The following LRBA variants were observed in gnomAD, a reference collection of about 807,000 sequenced individuals.
LRBA encodes LPS responsive beige-like anchor protein, also known as lipopolysaccharide-responsive and beige-like anchor protein.
Under a neutral mutation model 330.0 loss-of-function variants are expected in LRBA, and 176 were observed. The ratio of observed to expected loss-of-function variants is 0.53; its 90% CI spans 0.47 to 0.60. The LOEUF is 0.60. Ranked by LOEUF, LRBA falls within the 20% of genes least tolerant of loss-of-function variation. The probability of loss-of-function intolerance (pLI) is 0.00; values close to 1 mark genes in which losing one functional copy is unlikely to be tolerated. For synonymous variants in LRBA, 1,230 were observed against 1,193.0 expected (o/e 1.03, Z -0.64); for missense variants, 3,259 against 3,444.8 (o/e 0.95, Z 1.35).
intron 40 of LRBA, among the ~76,000 whole-genome samples, chr4:150,537,710 G>A (rs1290331760): frequency 1.3e-5 from 2 of 152,122 alleles, no homozygotes; most frequent in Admixed American, 1.3e-4. Context: ...CAGCACTTTG[G>A]GAGGCTAAGG....
chr4:150,887,049 T>C (rs62344582), intron 17 of LRBA, among the ~76,000 whole-genome samples: 14,335 of 152,232 alleles, frequency 0.094, 1,419 homozygotes, highest in African/African-American at 0.26. Context: ...CTGATTTGAA[T>C]ATTATATGTT....
chr4:150,971,752 A>G (rs1184405942), intron 2 of LRBA, among the ~76,000 whole-genome samples: 1 of 152,194 alleles, frequency 6.6e-6, no homozygotes, highest in Non-Finnish European at 1.5e-5. Flanking sequence ...TTTATTTACT[A>G]TTTCACAAGG....
intron 2 of LRBA, among the ~76,000 whole-genome samples, chr4:150,976,681 C>A (rs888811385): frequency 6.6e-6 from 1 of 152,122 alleles, no homozygotes; most frequent in African/African-American, 2.4e-5. Context: ...TTCATAAAAA[C>A]CAAAAATAAG....
intron 55 of LRBA, among the ~76,000 whole-genome samples, chr4:150,282,065 A>T (rs1277079921): frequency 6.6e-6 from 1 of 152,234 alleles, no homozygotes; most frequent in Non-Finnish European, 1.5e-5. Context: ...AGATGTAAAG[A>T]GAATCCAGTT....
rs145762343 is a variant in LRBA, at chr4:150,400,815, G to C, written c.7194+14623C>G. ...TGATCAGCCACTGCACTCCAGCCTG[G>C]TGACAATGAGATGCTGTCTTAAAAT... On this transcript the variant is annotated intron_variant, in intron 47 of 56. Coordinates refer to ENST00000651943, the MANE Select transcript of LRBA (RefSeq NM_001364905.1). 7.7e-4 allele frequency among the ~76,000 whole-genome samples: 117 copies of C among 152,232 alleles called. No homozygotes were observed. The East Asian group carries it at 0.021, about 27-fold the overall frequency.
intron 40 of LRBA, among the ~76,000 whole-genome samples, chr4:150,520,663 T>C (rs1260489196): frequency 6.6e-6 from 1 of 152,120 alleles, no homozygotes; most frequent in African/African-American, 2.4e-5. Flanking sequence ...GAGGTCATTG[T>C]CCTAAGCAAA....
intron 2 of LRBA, among the ~76,000 whole-genome samples, chr4:150,932,807 T>C (rs1039107747): frequency 1.3e-5 from 2 of 151,766 alleles, no homozygotes; most frequent in Non-Finnish European, 2.9e-5. Context: ...CCCCATCTAC[T>C]TGGGAGGCTG....
At chr4:150,626,153 A>G (rs1581850525) in intron 37 of LRBA, among the ~76,000 whole-genome samples, 1 of 152,160 alleles carries the variant, frequency 6.6e-6, no homozygotes, top group African/African-American at 2.4e-5. Context: ...ATTTAACACA[A>G]TATTCTGCAT....
intron 47 of LRBA, among the ~76,000 whole-genome samples, chr4:150,382,613 ACT>A (rs1243490026): frequency 2.7e-5 from 4 of 146,838 alleles, no homozygotes; most frequent in Admixed American, 1.4e-4. Context: ...ACAGAGTGAG[ACT>A]CTGTTTCAAA....
At chr4:150,422,918 T>C (rs1426322448) in intron 46 of LRBA, 1 of 807,088 alleles carries the variant, frequency 1.2e-6, no homozygotes, top group African/African-American at 1.7e-5. Flanking sequence ...AGGGGATGGA[T>C]GCCAGCTCTG....
At chr4:150,840,118 C>G (rs1219741979) in intron 28 of LRBA, among the ~76,000 whole-genome samples, 1 of 152,180 alleles carries the variant, frequency 6.6e-6, no homozygotes, top group Non-Finnish European at 1.5e-5. Flanking sequence ...GGAGCCTTAT[C>G]TGAAATAGGC....
intron 30 of LRBA, among the ~76,000 whole-genome samples, chr4:150,820,565 T>C (rs1439639255): frequency 6.6e-6 from 1 of 151,986 alleles, no homozygotes; most frequent in African/African-American, 2.4e-5. Context: ...ACATAATTAG[T>C]ATATAATAGA....
At chr4:150,332,091 T>G (rs1305490608) in intron 48 of LRBA, among the ~76,000 whole-genome samples, 2 of 152,174 alleles carry the variant, frequency 1.3e-5, no homozygotes, top group African/African-American at 2.4e-5. Context: ...TATTAAAGAC[T>G]TAACACAGTG....
At chr4:150,333,028 T>G (rs932382806) in intron 48 of LRBA, among the ~76,000 whole-genome samples, 1 of 151,918 alleles carries the variant, frequency 6.6e-6, no homozygotes, top group Non-Finnish European at 1.5e-5. Flanking sequence ...ATAGAGAGAA[T>G]ATACATACAC....
intron 53 of LRBA, among the ~76,000 whole-genome samples, chr4:150,289,369 A>G (rs1393356351): frequency 3.9e-5 from 6 of 152,198 alleles, no homozygotes; most frequent in East Asian, 1.9e-4. Flanking sequence ...GAACTATTCA[A>G]TGCTAGGACT....
rs548607231 is a variant in LRBA at position 150,416,565 on chromosome 4, G to C, written c.7042-975C>G. Among the ~76,000 whole-genome samples, 8 of 151,314 alleles carry C rather than the reference G, an allele frequency of 5.3e-5. No homozygotes were observed. The South Asian group carries it at 1.3e-3, about 24-fold the overall frequency. ...TTAATTAACTAAGCAGGGTAGAAAC[G>C]AGCTTGTTCTTCCAAATGGCTGACA... On this transcript the variant is annotated intron_variant, in intron 46 of 56. Coordinates refer to ENST00000651943, the MANE Select transcript of LRBA (RefSeq NM_001364905.1).
intron 14 of LRBA, among the ~76,000 whole-genome samples, chr4:150,898,859 C>A (rs758567104): frequency 3.9e-5 from 6 of 152,098 alleles, no homozygotes; most frequent in African/African-American, 7.2e-5. Flanking sequence ...CACAACCTTG[C>A]CAGCTTAAAA....
chr4:150,553,911 T>C (rs949041628), intron 40 of LRBA, among the ~76,000 whole-genome samples: 13 of 152,174 alleles, frequency 8.5e-5, no homozygotes, highest in African/African-American at 2.7e-4. Context: ...AGTTCACTGG[T>C]TCCAGAGGCT....
chr4:150,700,739 A>G (rs1359204791), intron 36 of LRBA, among the ~76,000 whole-genome samples: 1 of 150,358 alleles, frequency 6.7e-6, no homozygotes, highest in East Asian at 2.0e-4. Context: ...CTTTCTTTAT[A>G]TCCTTATTCT....
Sources: allele counts gnomAD v4.1 joint callset (sites outside exome capture counted in the v4.1 genomes callset), GRCh38; gene constraint gnomAD v4.1.1; transcripts MANE v1.5; gene names NCBI Gene and HGNC (gene_info 2026-07-23, HGNC 2026-07-21).